Variants in SORCS3 observed in about 807,000 individuals in gnomAD.
The protein encoded by SORCS3 is sortilin related VPS10 domain containing receptor 3.
In SORCS3, 57 loss-of-function variants were observed where a neutral mutation model predicts 146.3. The observed-to-expected ratio is 0.39, with a 90% CI of 0.31 to 0.49. The LOEUF (loss-of-function observed/expected upper bound fraction) is 0.49. Ranked by LOEUF, SORCS3 falls within the 20% of genes least tolerant of loss-of-function variation. The pLI is 0.92. For synonymous variants in SORCS3, 653 were observed against 618.5 expected (o/e 1.06, Z -0.83); for missense variants, 1,341 against 1,575.5 (o/e 0.85, Z 2.52).
At chr10:105,188,830 C>A (rs965748187) in intron 14 of SORCS3, among the ~76,000 whole-genome samples, 2 of 152,116 alleles carry the variant, frequency 1.3e-5, no homozygotes, top group African/African-American at 2.4e-5. Flanking sequence ...TTAATGACAT[C>A]CAGCCAGTAA....
intron 19 of SORCS3, among the ~76,000 whole-genome samples, chr10:105,219,769 C>G (rs543652657): frequency 6.6e-6 from 1 of 152,184 alleles, no homozygotes; most frequent in East Asian, 1.9e-4. Flanking sequence ...TTCCTCTATT[C>G]CAAGGACTTG....
At chr10:104,873,868 T>C (rs566337497) in intron 2 of SORCS3, among the ~76,000 whole-genome samples, 1 of 152,306 alleles carries the variant, frequency 6.6e-6, no homozygotes, top group East Asian at 1.9e-4. Context: ...GTGGTATGTG[T>C]TGAACAATAA....
intron 1 of SORCS3, 58 bp downstream of exon 1, chr10:104,642,012 G>T: frequency 1.4e-6 from 2 of 1,417,288 alleles, no homozygotes; most frequent in South Asian, 1.3e-5. Context: ...GGGAATGGGG[G>T]GGTGGGTGGG....
chr10:104,762,494 C>A (rs1226123154), intron 1 of SORCS3, among the ~76,000 whole-genome samples: 1 of 152,160 alleles, frequency 6.6e-6, no homozygotes, highest in African/African-American at 2.4e-5. Context: ...TCTCTTCAAC[C>A]AAAACCTAAG....
rs1459237447 is a variant in SORCS3 at position 105,263,693 on chromosome 10, G to C, written c.*319G>C. ...CTCCCTTTTTTCAAAATTGAAGTTG[G>C]GTTGGCTCTTTGTGAACCTCTCATC... On this transcript the variant is annotated 3_prime_UTR_variant, in exon 27 of 27. Coordinates refer to ENST00000369701, the MANE Select transcript of SORCS3 (RefSeq NM_014978.3). 6 of 284,870 alleles carry C rather than the reference G, an allele frequency of 2.1e-5. No individual in the cohort carries two copies. In the East Asian group the frequency reaches 4.0e-4, roughly 19 times the overall value. The allele number at this position is 284,870 out of a possible 1,614,324, so 17.6% of individuals were successfully genotyped here. A position where few individuals can be genotyped will look rare whatever the true frequency, so the allele number is the denominator to read the frequency against.
intron 13 of SORCS3, among the ~76,000 whole-genome samples, chr10:105,173,001 T>A (rs2056372122): frequency 1.3e-5 from 2 of 152,212 alleles, no homozygotes; most frequent in Non-Finnish European, 2.9e-5. Context: ...CTTTAAGTTG[T>A]TTCTGTCTTA....
chr10:104,903,428 A>G (rs1283454250), intron 2 of SORCS3, among the ~76,000 whole-genome samples: 1 of 152,166 alleles, frequency 6.6e-6, no homozygotes, highest in African/African-American at 2.4e-5. Flanking sequence ...GTAGATATAT[A>G]AAAACAATAG....
intron 14 of SORCS3, among the ~76,000 whole-genome samples, chr10:105,181,738 C>A (rs1481139976): frequency 1.3e-5 from 2 of 152,156 alleles, no homozygotes; most frequent in Non-Finnish European, 2.9e-5. Context: ...TGTGACTGTT[C>A]TTATTACTTA....
At chr10:105,222,103 G>C (rs919568938) in intron 19 of SORCS3, among the ~76,000 whole-genome samples, 1 of 131,940 alleles carries the variant, frequency 7.6e-6, no homozygotes, top group Non-Finnish European at 1.6e-5. Context: ...TTGTCGCCCA[G>C]GCTGGAGTGC....
intron 3 of SORCS3, among the ~76,000 whole-genome samples, chr10:104,923,614 A>C (rs373476205): frequency 5.3e-5 from 8 of 152,288 alleles, no homozygotes; most frequent in African/African-American, 1.7e-4. Flanking sequence ...AGGGAGTTAG[A>C]GATGCTGCCT....
intron 7 of SORCS3, among the ~76,000 whole-genome samples, chr10:105,117,337 A>G (rs1350232609): frequency 9.9e-5 from 15 of 152,204 alleles, no homozygotes; most frequent in Non-Finnish European, 1.5e-4. Context: ...ATGCAAGGCA[A>G]TCTTGAATGA....
intron 22 of SORCS3, among the ~76,000 whole-genome samples, chr10:105,248,866 G>A (rs376760245): frequency 1.3e-5 from 2 of 152,264 alleles, no homozygotes; most frequent in African/African-American, 4.8e-5. Flanking sequence ...AAGAAGCTTG[G>A]CATCTATTCT....
At chr10:105,031,658 A>G (rs2055268510) in intron 4 of SORCS3, among the ~76,000 whole-genome samples, 1 of 152,146 alleles carries the variant, frequency 6.6e-6, no homozygotes, top group African/African-American at 2.4e-5. Context: ...AGAGGATATT[A>G]TTTCTTACAT....
chr10:104,757,857 AC>A (rs5787547), intron 1 of SORCS3, among the ~76,000 whole-genome samples: 26,481 of 64,948 alleles, frequency 0.41, 2,321 homozygotes, highest in Admixed American at 0.44. Context: ...CACTGCCACC[AC>A]CCCCCCCCCC....
intron 14 of SORCS3, among the ~76,000 whole-genome samples, chr10:105,196,402 G>A (rs1308957768): frequency 2.0e-5 from 3 of 152,184 alleles, no homozygotes; most frequent in South Asian, 2.1e-4. Context: ...TCAGGAGTTC[G>A]AGACTAGCCT....
chr10:105,225,339 A>G (rs968533354), intron 20 of SORCS3, among the ~76,000 whole-genome samples: 1 of 151,972 alleles, frequency 6.6e-6, no homozygotes, highest in African/African-American at 2.4e-5. Context: ...TGAAAATACC[A>G]TTTTTGCTCC....
intron 4 of SORCS3, among the ~76,000 whole-genome samples, chr10:105,027,009 A>G (rs541446009): frequency 4.9e-4 from 75 of 152,298 alleles, no homozygotes; most frequent in Non-Finnish European, 8.5e-4. Flanking sequence ...AGAAACGCCA[A>G]GACCCTGTCC....
chr10:105,005,788 G>A (rs776922734), intron 4 of SORCS3, among the ~76,000 whole-genome samples: 10 of 151,966 alleles, frequency 6.6e-5, no homozygotes, highest in Non-Finnish European at 1.3e-4. Context: ...TTATCAGCCC[G>A]GATCTCTCCC....
chr10:104,715,725 A>C (rs1355470111), intron 1 of SORCS3, among the ~76,000 whole-genome samples: 1 of 152,158 alleles, frequency 6.6e-6, no homozygotes, highest in Non-Finnish European at 1.5e-5. Flanking sequence ...GAAAACTATA[A>C]AGCAGATAAG....
Sources: allele counts gnomAD v4.1 joint callset (sites outside exome capture counted in the v4.1 genomes callset), GRCh38; gene constraint gnomAD v4.1.1; transcripts MANE v1.5; gene names NCBI Gene and HGNC (gene_info 2026-07-23, HGNC 2026-07-21).